MAZ: variants seen among roughly 807,000 people sequenced by gnomAD.
MAZ encodes myc-associated zinc finger protein.
MAZ carries 4 observed loss-of-function variants against 32.7 expected under a neutral mutation model. The ratio of observed to expected loss-of-function variants is 0.12; its 90% CI spans 0.06 to 0.28. MAZ has a LOEUF of 0.28. Among genes scored for constraint, MAZ ranks in the 10% least tolerant of loss-of-function variants. MAZ has a pLI of 1.00. For missense variants in MAZ, 763 were observed against 667.2 expected (o/e 1.14, Z -1.58); for synonymous variants, 510 against 297.6 (o/e 1.71, Z -7.35).
chr16:29,810,398 G>C lies in MAZ; in HGVS notation c.*167G>C, dbSNP rs936885966. The C allele has an allele frequency of 2.5e-6, 2 of 793,522 alleles. No individual in the cohort carries two copies. Among genetic ancestry groups the C allele is most frequent in the Admixed American group, 4.0e-5 (2 of 50,088 alleles). The allele number at this position is 793,522 out of a possible 1,614,324, so 49.2% of individuals were successfully genotyped here. On this transcript the variant is annotated 3_prime_UTR_variant, in exon 5 of 5. Transcript: ENST00000322945. Reference sequence around the variant, plus strand: ...TTAGGGGAATTCGCTAGGTTTTAACGATTTGTTTCTCCTGCTCCTCTTCTG... The same window carrying C: ...TTAGGGGAATTCGCTAGGTTTTAACCATTTGTTTCTCCTGCTCCTCTTCTG...
Position 29,806,901 on chromosome 16 carries a change from G to A in MAZ, c.192+8G>A, listed in dbSNP as rs528121327. 5.8e-5 allele frequency: 77 copies of A among 1,332,406 alleles called. No homozygotes were observed. The East Asian group carries it at 2.4e-3, about 42-fold the overall frequency. The allele number at this position is 1,332,406 out of a possible 1,614,324, so 82.5% of individuals were successfully genotyped here. On this transcript the variant is annotated splice_region_variant and intron_variant, in intron 1 of 4. Transcript: ENST00000322945. The stretch of plus-strand genomic sequence containing the variant: ...GCCCAGAGTCCATTCCAGGTGAGTA[G>A]GGCCGGCCGCGGCGGCCCGGGCTGG...
intron 4 of MAZ, chr16:29,808,960 C>T (rs892248456): frequency 1.0e-5 from 6 of 571,512 alleles, no homozygotes; most frequent in African/African-American, 1.9e-5. Context: ...GGTTGAACCT[C>T]CTGGTAATGT....
chr16:29,809,531 C>T, intron 4 of MAZ: 3 of 1,596,070 alleles, frequency 1.9e-6, no homozygotes, highest in Non-Finnish European at 2.6e-6. Flanking sequence ...CCAATCCACC[C>T]CCCAATAGGC....
At chr16:29,808,925 G>A (rs1899731789) in intron 4 of MAZ, 184 bp downstream of exon 4, 1 of 606,854 alleles carries the variant, frequency 1.6e-6, no homozygotes, top group Non-Finnish European at 2.9e-6. Context: ...AGAAGTCCTG[G>A]TTGGAAGAGA....
At chr16:29,809,958 C>A in intron 4 of MAZ, 119 bp from the exon 5 acceptor site, 1 of 1,485,170 alleles carries the variant, frequency 6.7e-7, no homozygotes, top group Non-Finnish European at 9.1e-7. Context: ...CCTCTGGGGT[C>A]CAGATAGGAA....
rs370548510 is a variant in MAZ, at chr16:29,810,120, G to A, written c.1323G>A (p.Ala441=). 2,166 of 1,598,234 alleles carry A rather than the reference G, an allele frequency of 1.4e-3. No homozygotes were observed. The highest frequency in any genetic ancestry group is 1.7e-3 in the Non-Finnish European group (2,006 of 1,172,464). The change falls in exon 5 of 5, where the codon GCG becomes GCA. Residue 441 remains alanine (A), a synonymous_variant. Transcript: ENST00000322945. ...VCPMAAAAAA[A]AAAAAAAVAA... is the part of the protein sequence containing the mutation. ...CAATGGCGGCGGCAGCGGCAGCGGC[G>A]GCAGCGGCAGCAGCGGCAGCAGTAG...
upstream of MAZ, chr16:29,806,475 C>A (rs1014717645): frequency 1.8e-5 from 4 of 218,040 alleles, no homozygotes; most frequent in Admixed American, 7.1e-5. Flanking sequence ...CCGCCCCCAC[C>A]CAGGGGGCGT....
Position 29,808,760 on chromosome 16 carries a change from C to T in MAZ, c.1279+19C>T, listed in dbSNP as rs756518500. 1.2e-5 allele frequency: 20 copies of T among 1,611,130 alleles called. No individual in the cohort carries two copies. Among genetic ancestry groups the T allele is most frequent in the Admixed American group, 8.4e-5 (5 of 59,758 alleles). On this transcript the variant is annotated intron_variant, in intron 4 of 4. Transcript: ENST00000322945. ...AACAAAGGTACATGCCGAGGGCTGC[C>T]GGGAGGGCCAGGGGCAGAGGGTGGG...
At position 29,809,999 on chromosome 16, in the gene MAZ, G is replaced by A. The variant is rs545462192; in HGVS notation, c.1280-78G>A. 40 of 1,544,198 alleles carry A rather than the reference G, an allele frequency of 2.6e-5. No homozygotes were observed. The African/African-American group carries it at 2.6e-4, about 10-fold the overall frequency. On this transcript the variant is annotated intron_variant, in intron 4 of 4. Coordinates refer to ENST00000322945, the MANE Select transcript of MAZ (RefSeq NM_002383.4). ...CAACGGCTGTGTCCCAGGGGAAGCAGGCTGGGAAGGTGTGGGGTGAGGGCA... is the reference window on the plus strand; with the variant it reads ...CAACGGCTGTGTCCCAGGGGAAGCAAGCTGGGAAGGTGTGGGGTGAGGGCA...
At position 29,807,127 on chromosome 16, in the gene MAZ, G is replaced by A; in HGVS notation, c.342G>A (p.Pro114=). ...AAAAAVAAAP[P]APAAASTVDT... ...CTGCCGCCGTCGCTGCCGCGCCCCC[G>A]GCCCCTGCCGCCGCCTCTACGGTGG... Residue 114 remains proline (P), a synonymous_variant, in exon 2 of 5, where the codon CCG becomes CCA. Transcript: ENST00000322945. 9.8e-7 allele frequency: 1 copy of A among 1,018,614 alleles called. No individual in the cohort carries two copies. Among genetic ancestry groups the A allele is most frequent in the Non-Finnish European group, 1.2e-6 (1 of 832,134 alleles). The allele number at this position is 1,018,614 out of a possible 1,614,324, so 63.1% of individuals were successfully genotyped here.
intron 4 of MAZ, 103 bp from the exon 5 acceptor site, chr16:29,809,973 GC>G: frequency 6.6e-7 from 1 of 1,522,366 alleles, no homozygotes; most frequent in South Asian, 1.3e-5. Flanking sequence ...TAGGAAGTGA[GC>G]AACGGCTGTG....
At position 29,807,519 on chromosome 16, in the gene MAZ, G is replaced by C. The variant is rs199975613; in HGVS notation, c.734G>C (p.Gly245Ala). 5.6e-6 allele frequency: 9 copies of C among 1,609,910 alleles called. No homozygotes were observed. In the East Asian group the frequency reaches 2.0e-4, roughly 36 times the overall value. The change falls in exon 2 of 5, where the codon GGC becomes GCC. Residue 245 changes from glycine (G) to alanine (A), a missense_variant. Coordinates refer to ENST00000322945, the MANE Select transcript of MAZ (RefSeq NM_002383.4). ...LLSVPQLSGAGGGGGEAGAGG... is the reference protein window; with the variant it reads ...LLSVPQLSGAAGGGGEAGAGG... ...AGCGTGCCCCAGCTGAGCGGAGCCG[G>C]CGGGGGAGGGGGAGAGGCGGGTGCC...
rs760856908 is a variant in MAZ at position 29,810,046 on chromosome 16, C to T, written c.1280-31C>T. 6 of 1,588,136 alleles carry T rather than the reference C, an allele frequency of 3.8e-6. No homozygotes were observed. In the African/African-American group the frequency reaches 5.4e-5, roughly 14 times the overall value. ...GGCAAGGCTCTTGCCATTCAGATCG[C>T]GCTGTGATCCGTGGTGTTTCTCCTG... On this transcript the variant is annotated intron_variant, in intron 4 of 4. Coordinates refer to ENST00000322945, the MANE Select transcript of MAZ (RefSeq NM_002383.4).
At chr16:29,806,131 TC>T, upstream of MAZ, 3 of 883,962 alleles carry the variant, frequency 3.4e-6, no homozygotes, top group Non-Finnish European at 4.4e-6. Context: ...GCCACCTCCC[TC>T]CCTCCCTCCG....
chr16:29,808,961 C>G, intron 4 of MAZ: 1 of 572,156 alleles, frequency 1.7e-6, no homozygotes, highest in South Asian at 2.3e-5. Context: ...GTTGAACCTC[C>G]TGGTAATGTG....
At chr16:29,807,875 A>G in intron 2 of MAZ, 47 bp downstream of exon 2, 1 of 1,584,872 alleles carries the variant, frequency 6.3e-7, no homozygotes, top group Non-Finnish European at 8.5e-7. Flanking sequence ...GGAGGGAGGG[A>G]CGCGACGGAG....
rs750575067 is a variant in MAZ at position 29,806,719 on chromosome 16, T to C, written c.18T>C (p.Pro6=). Reference sequence around the variant, plus strand: ...CCGAGGCCATGTTCCCGGTGTTTCCTTGCACGCTGCTGGCCCCCCCCTTCC... The same window carrying C: ...CCGAGGCCATGTTCCCGGTGTTTCCCTGCACGCTGCTGGCCCCCCCCTTCC... The part of the protein sequence containing the change: MFPVF[P]CTLLAPPFPV... Residue 6 remains proline (P), a synonymous_variant, in exon 1 of 5, where the codon CCT becomes CCC. Coordinates refer to ENST00000322945, the MANE Select transcript of MAZ (RefSeq NM_002383.4). 1.7e-5 allele frequency: 23 copies of C among 1,342,862 alleles called. No homozygotes were observed. Among genetic ancestry groups the C allele is most frequent in the African/African-American group, 6.3e-5 (4 of 63,018 alleles). The allele number at this position is 1,342,862 out of a possible 1,614,324, so 83.2% of individuals were successfully genotyped here. A position where few individuals can be genotyped will look rare whatever the true frequency, so the allele number is the denominator to read the frequency against.
At position 29,810,574 on chromosome 16, in the gene MAZ, C is replaced by T. The variant is rs1480400861; in HGVS notation, c.*343C>T. On this transcript the variant is annotated 3_prime_UTR_variant, in exon 5 of 5. Coordinates refer to ENST00000322945, the MANE Select transcript of MAZ (RefSeq NM_002383.4). ...CCTGTCTTCCCAGGGACTTGTGAGC[C>T]TCTTCCCTCGACGGTCCTCTTCTCT... 4.3e-6 allele frequency: 3 copies of T among 696,922 alleles called. No homozygotes were observed. Among genetic ancestry groups the T allele is most frequent in the African/African-American group, 1.8e-5 (1 of 57,004 alleles). The allele number at this position is 696,922 out of a possible 1,614,324, so 43.2% of individuals were successfully genotyped here. A position where few individuals can be genotyped will look rare whatever the true frequency, so the allele number is the denominator to read the frequency against.
upstream of MAZ, chr16:29,806,213 TGCCCACACCCCCTC>T: frequency 6.7e-6 from 1 of 149,072 alleles, no homozygotes; most frequent in Non-Finnish European, 1.2e-5. Flanking sequence ...CCCACCCCCC[TGCCCACACCCCCTC>T]CTGCCCGCCC....
Sources: allele counts gnomAD v4.1 joint callset, GRCh38; gene constraint gnomAD v4.1.1; transcripts MANE v1.5; gene names NCBI Gene and HGNC (gene_info 2026-07-23, HGNC 2026-07-21).